Variants in ZMPSTE24 observed in about 807,000 individuals in gnomAD.
ZMPSTE24 encodes CAAX prenyl protease 1 homolog.
ZMPSTE24 carries 48 observed loss-of-function variants against 56.7 expected under a neutral mutation model. The ratio of observed to expected loss-of-function variants is 0.85; its 90% confidence interval spans 0.67 to 1.08. The LOEUF (loss-of-function observed/expected upper bound fraction) is 1.08. ZMPSTE24 is among the 50% of genes least tolerant of loss of function. The probability of loss-of-function intolerance (pLI) is 0.00; values close to 1 mark genes in which losing one functional copy is unlikely to be tolerated. For missense variants in ZMPSTE24, 503 were observed against 548.7 expected (o/e 0.92, Z 0.83); for synonymous variants, 172 against 195.2 (o/e 0.88, Z 0.99).
At chr1:40,278,407 A>G (rs1285569655) in intron 6 of ZMPSTE24, among the ~76,000 whole-genome samples, 2 of 151,440 alleles carry the variant, frequency 1.3e-5, no homozygotes, top group African/African-American at 2.4e-5. Flanking sequence ...AAATACAAAA[A>G]ATTAGCCGGG....
chr1:40,261,411 G>A (rs773486891), intron 2 of ZMPSTE24, among the ~76,000 whole-genome samples: 23 of 151,108 alleles, frequency 1.5e-4, no homozygotes, highest in Admixed American at 3.3e-4. Context: ...GTACAGTGGC[G>A]TGATCTTGGC....
At chr1:40,273,126 T>C (rs1207481070) in intron 6 of ZMPSTE24, among the ~76,000 whole-genome samples, 1 of 152,058 alleles carries the variant, frequency 6.6e-6, no homozygotes, top group Non-Finnish European at 1.5e-5. Flanking sequence ...CAGTGTTAGA[T>C]GAAGGAATAG....
rs766405899 is a variant in ZMPSTE24 at position 40,272,024 on chromosome 1, A to G, written c.758A>G (p.Tyr253Cys). The G allele has an allele frequency of 2.5e-6, 4 of 1,608,332 alleles. No homozygotes were observed. Among genetic ancestry groups the G allele is most frequent in the South Asian group, 1.1e-5 (1 of 89,854 alleles). Reference sequence around the variant, plus strand: ...ATTGACTTTCCTTTGACGAAGGTGTATGTTGTGGAAGGTAAGGCTACCTGG... The same window carrying G: ...ATTGACTTTCCTTTGACGAAGGTGTGTGTTGTGGAAGGTAAGGCTACCTGG... ...KSIDFPLTKV[Y>C]VVEGSKRSSH... The change falls in exon 6 of 10, where the codon TAT becomes TGT. Residue 253 changes from tyrosine (Y) to cysteine (C), a missense_variant. By Grantham distance (194) the Tyr-to-Cys change is radical. Transcript: ENST00000372759.
At chr1:40,262,901 A>G (rs1034914636) in intron 2 of ZMPSTE24, 31 of 1,096,374 alleles carry the variant, frequency 2.8e-5, no homozygotes, top group Non-Finnish European at 3.2e-5. Context: ...TTCTTGTTCT[A>G]TACTGATTAA....
chr1:40,269,482 C>T (rs1386330994), intron 4 of ZMPSTE24, among the ~76,000 whole-genome samples: 2 of 152,116 alleles, frequency 1.3e-5, no homozygotes, highest in African/African-American at 4.8e-5. Flanking sequence ...TTGTTTGCGA[C>T]AGGGTCTCGT....
chr1:40,291,978 C>CT (rs1557783784), intron 9 of ZMPSTE24, among the ~76,000 whole-genome samples: 1 of 151,692 alleles, frequency 6.6e-6, no homozygotes, highest in Non-Finnish European at 1.5e-5. Flanking sequence ...ATAGCTGGGA[C>CT]TACAGGCACC....
At chr1:40,289,002 C>A (rs1486164060) in intron 8 of ZMPSTE24, among the ~76,000 whole-genome samples, 1 of 151,850 alleles carries the variant, frequency 6.6e-6, no homozygotes, top group East Asian at 1.9e-4. Flanking sequence ...CTCTGTAATA[C>A]CACAGCAGTC....
Position 40,292,679 on chromosome 1 carries a change from G to A in ZMPSTE24, c.*10G>A. ...TATGAAGCAACACTGAGATGTCCAGGATCTGTGACTGAAGACATTTCTGAT... is the reference window on the plus strand; with the variant it reads ...TATGAAGCAACACTGAGATGTCCAGAATCTGTGACTGAAGACATTTCTGAT... On this transcript the variant is annotated 3_prime_UTR_variant, in exon 10 of 10. Transcript: ENST00000372759. 9 of 1,607,444 alleles carry A rather than the reference G, an allele frequency of 5.6e-6. No individual in the cohort carries two copies. Among genetic ancestry groups the A allele is most frequent in the Non-Finnish European group, 6.8e-6 (8 of 1,174,166 alleles).
At chr1:40,262,917 C>G in intron 2 of ZMPSTE24, 1 of 1,052,982 alleles carries the variant, frequency 9.5e-7, no homozygotes, top group Non-Finnish European at 1.2e-6. Context: ...ATTAATAGCT[C>G]CCATATTTTC....
intron 8 of ZMPSTE24, among the ~76,000 whole-genome samples, chr1:40,288,303 G>T (rs771183960): frequency 6.6e-6 from 1 of 152,222 alleles, no homozygotes. Flanking sequence ...AAGCTATGTT[G>T]TGTGGATACA....
At chr1:40,273,529 A>AT (rs1643633279) in intron 6 of ZMPSTE24, among the ~76,000 whole-genome samples, 1 of 67,038 alleles carries the variant, frequency 1.5e-5, no homozygotes, top group African/African-American at 8.6e-5. Context: ...AAAAAAAAAA[A>AT]AAAAAAAAAT....
chr1:40,281,295 C>A, intron 6 of ZMPSTE24, 48 bp from the exon 7 acceptor site: 2 of 1,594,304 alleles, frequency 1.3e-6, no homozygotes, highest in South Asian at 2.2e-5. Context: ...TCCAAAGGAC[C>A]CCAAACTTTT....
At chr1:40,260,055 C>T (rs1175714018) in intron 1 of ZMPSTE24, among the ~76,000 whole-genome samples, 4 of 84,364 alleles carry the variant, frequency 4.7e-5, no homozygotes, top group African/African-American at 1.6e-4. Flanking sequence ...GATCTTTCTC[C>T]TTTTTTTTTT....
chr1:40,286,775 T>C (rs1425288145), intron 8 of ZMPSTE24, among the ~76,000 whole-genome samples: 4 of 148,146 alleles, frequency 2.7e-5, no homozygotes, highest in Non-Finnish European at 5.9e-5. Flanking sequence ...TTGCCCAAGC[T>C]GGAGTGCAAT....
At chr1:40,285,842 A>G (rs1401823301) in intron 7 of ZMPSTE24, 83 bp from the exon 8 acceptor site, 2 of 1,098,380 alleles carry the variant, frequency 1.8e-6, no homozygotes, top group Admixed American at 2.3e-5. Context: ...TTAAGTTAAA[A>G]TCTATGAAGG....
At chr1:40,282,097 A>G (rs1036148385) in intron 7 of ZMPSTE24, among the ~76,000 whole-genome samples, 1 of 152,218 alleles carries the variant, frequency 6.6e-6, no homozygotes, top group Non-Finnish European at 1.5e-5. Flanking sequence ...TAGGTACACA[A>G]AAATAAAAAG....
chr1:40,259,268 A>G (rs547365158), intron 1 of ZMPSTE24: 8 of 152,290 alleles, frequency 5.3e-5, no homozygotes, highest in Admixed American at 1.3e-4. Context: ...GAAAGTTAAC[A>G]ATTTACCTGA....
chr1:40,266,761 GTTTTTTT>G (rs3075102), intron 2 of ZMPSTE24, among the ~76,000 whole-genome samples: 8 of 88,114 alleles, frequency 9.1e-5, no homozygotes, highest in South Asian at 4.3e-4. Flanking sequence ...TTTCGAACAA[GTTTTTTT>G]TTTTTTTTTT....
At chr1:40,261,049 C>G in intron 2 of ZMPSTE24, 64 bp downstream of exon 2, 2 of 1,582,802 alleles carry the variant, frequency 1.3e-6, no homozygotes, top group East Asian at 2.2e-5. Context: ...ATTTTTGTAA[C>G]ACAAAAGAGG....
Sources: allele counts gnomAD v4.1 joint callset (sites outside exome capture counted in the v4.1 genomes callset), GRCh38; gene constraint gnomAD v4.1.1; transcripts MANE v1.5; gene names NCBI Gene and HGNC (gene_info 2026-07-23, HGNC 2026-07-21).